ALKAL1: variants seen among roughly 807,000 people sequenced by gnomAD.
ALKAL1 encodes ALK and LTK ligand 1.
Under a neutral mutation model 13.5 loss-of-function variants are expected in ALKAL1, and 23 were observed. The ratio of observed to expected loss-of-function variants is 1.70; its 90% CI spans 1.23 to 2.41. ALKAL1 has a LOEUF of 2.41. ALKAL1 is among the 30% of genes most tolerant of loss of function. The probability of loss-of-function intolerance (pLI) is 0.00; values close to 1 mark genes in which losing one functional copy is unlikely to be tolerated. For missense variants in ALKAL1, 181 were observed against 178.4 expected (o/e 1.01, Z -0.08); for synonymous variants, 85 against 77.7 (o/e 1.09, Z -0.49).
chr8:52,538,044 G>A (rs1034583178), intron 4 of ALKAL1, among the ~76,000 whole-genome samples: 2 of 150,922 alleles, frequency 1.3e-5, no homozygotes, highest in Non-Finnish European at 1.5e-5. Flanking sequence ...TGCAGAGATC[G>A]CGCCACTGCA....
intron 3 of ALKAL1, among the ~76,000 whole-genome samples, chr8:52,539,425 T>C (rs950924782): frequency 1.1e-4 from 16 of 152,206 alleles, no homozygotes; most frequent in Non-Finnish European, 2.9e-5. Flanking sequence ...CACCATTATA[T>C]AAATGATGTG....
At chr8:52,546,742 C>T (rs1039060543) in intron 1 of ALKAL1, among the ~76,000 whole-genome samples, 2 of 152,208 alleles carry the variant, frequency 1.3e-5, no homozygotes, top group African/African-American at 2.4e-5. Flanking sequence ...TAAGGACAAA[C>T]CAAATGCGTA....
chr8:52,565,118 A>T lies in ALKAL1; in HGVS notation c.139T>A (p.Phe47Ile). ...VTDKEPKPLL[F>I]LPAAGAGRTP... ...CGGCCGGCCCCGGCCGCGGGGAGGA[A>T]AAGCAACGGCTTGGGCTCCTTATCC... is the stretch of plus-strand genomic sequence containing the variant. Residue 47 changes from phenylalanine (F) to isoleucine (I), a missense_variant, in exon 1 of 5, where the codon TTC (phenylalanine) becomes ATC (isoleucine). Physicochemically the swap from Phe to Ile is conservative, Grantham distance 21. Coordinates refer to ENST00000358543, the MANE Select transcript of ALKAL1 (RefSeq NM_207413.4). The T allele has an allele frequency of 7.1e-7, 1 of 1,415,120 alleles. No homozygotes were observed. The highest frequency in any genetic ancestry group is 9.3e-7 in the Non-Finnish European group (1 of 1,078,264). 87.7% of individuals were successfully genotyped at this position (1,415,120 alleles called of 1,614,324 possible).
rs1187950296 is a variant in ALKAL1, at chr8:52,565,428, A to C, written c.-172T>G. ...CGTCCCGGGGGTCGGCTGGAGCTGC[A>C]CTGGGACTCGGTCCTCAGTGTGCCG... On this transcript the variant is annotated 5_prime_UTR_variant, in exon 1 of 5. Coordinates refer to ENST00000358543, the MANE Select transcript of ALKAL1 (RefSeq NM_207413.4). The C allele has an allele frequency of 9.1e-6, 4 of 438,176 alleles. No homozygotes were observed. Among genetic ancestry groups the C allele is most frequent in the Non-Finnish European group, 1.5e-5 (4 of 260,870 alleles). The allele number at this position is 438,176 out of a possible 1,614,324, so 27.1% of individuals were successfully genotyped here. A position where few individuals can be genotyped will look rare whatever the true frequency, so the allele number is the denominator to read the frequency against.
chr8:52,560,832 A>G (rs73593387), intron 1 of ALKAL1, among the ~76,000 whole-genome samples: 3,633 of 152,252 alleles, frequency 0.024, 147 homozygotes, highest in African/African-American at 0.083. Flanking sequence ...GGTCATATAT[A>G]TAACCTGCCA....
chr8:52,550,771 C>T (rs1847421119), intron 1 of ALKAL1, among the ~76,000 whole-genome samples: 1 of 152,142 alleles, frequency 6.6e-6, no homozygotes, highest in Non-Finnish European at 1.5e-5. Context: ...TTCATTGCCA[C>T]ATGGAGTTCT....
At position 52,539,998 on chromosome 8, in the gene ALKAL1, A is replaced by T. The variant is rs542817742; in HGVS notation, c.245-87T>A. On this transcript the variant is annotated intron_variant, in intron 2 of 4. Coordinates refer to ENST00000358543, the MANE Select transcript of ALKAL1 (RefSeq NM_207413.4). ...AGCACTTTATGGGTGGATATAATAC[A>T]ACAGCACTTTACATCCTTCCATACC... The T allele has an allele frequency of 6.9e-5, 77 of 1,122,916 alleles. No homozygotes were observed. In the South Asian group the frequency reaches 1.0e-3, roughly 15 times the overall value. 69.6% of individuals were successfully genotyped at this position (1,122,916 alleles called of 1,614,324 possible).
chr8:52,564,082 G>A (rs1290917475), intron 1 of ALKAL1, among the ~76,000 whole-genome samples: 1 of 152,186 alleles, frequency 6.6e-6, no homozygotes, highest in Admixed American at 6.5e-5. Flanking sequence ...TGAGGAGAAG[G>A]GATCAGGAGC....
chr8:52,551,725 T>C (rs1469857995), intron 1 of ALKAL1, among the ~76,000 whole-genome samples: 1 of 152,124 alleles, frequency 6.6e-6, no homozygotes, highest in Non-Finnish European at 1.5e-5. Flanking sequence ...AAATAAATTA[T>C]TTATTTATAA....
intron 2 of ALKAL1, among the ~76,000 whole-genome samples, chr8:52,540,854 C>T (rs1223920251): frequency 6.6e-6 from 1 of 152,160 alleles, no homozygotes; most frequent in Non-Finnish European, 1.5e-5. Context: ...GGCTCAACAT[C>T]CTCACACATC....
chr8:52,543,478 T>C (rs908188977), intron 1 of ALKAL1, among the ~76,000 whole-genome samples: 1 of 152,190 alleles, frequency 6.6e-6, no homozygotes, highest in Non-Finnish European at 1.5e-5. Context: ...AGCTCCCCAG[T>C]TCAGGGCAGC....
intron 4 of ALKAL1, among the ~76,000 whole-genome samples, chr8:52,535,550 C>CAAAAAAAAAA (rs10719477): frequency 4.4e-5 from 3 of 68,630 alleles, no homozygotes; most frequent in Admixed American, 2.2e-4. Context: ...GACCCTGTCT[C>CAAAAAAAAAA]AAAAAAAAAA....
chr8:52,546,537 T>A (rs916497147), intron 1 of ALKAL1, among the ~76,000 whole-genome samples: 2 of 152,246 alleles, frequency 1.3e-5, no homozygotes, highest in Admixed American at 1.3e-4. Flanking sequence ...CCCAGGCAAG[T>A]CTTAGCTCAT....
chr8:52,554,589 T>C (rs138570822), intron 1 of ALKAL1, among the ~76,000 whole-genome samples: 29 of 152,308 alleles, frequency 1.9e-4, no homozygotes, highest in African/African-American at 7.0e-4. Flanking sequence ...TGAGATTCTG[T>C]AGCTGAGATA....
rs761427253 is a variant in ALKAL1, at chr8:52,565,249, G to A, written c.8C>T (p.Pro3Leu). MR[P>L]LKPGAPLPAL... ...GGGCAAAGGGGCGCCGGGCTTAAGGGGCCGCATGTTCGCAAGCCGGGAGGA... is the reference window on the plus strand; with the variant it reads ...GGGCAAAGGGGCGCCGGGCTTAAGGAGCCGCATGTTCGCAAGCCGGGAGGA... The change falls in exon 1 of 5, where the codon CCC (proline) becomes CTC (leucine). Residue 3 changes from proline to leucine, a missense_variant. Pro to Leu is a moderately conservative substitution (Grantham distance 98). Transcript: ENST00000358543. 47 of 1,313,002 alleles carry A rather than the reference G, an allele frequency of 3.6e-5. 1 individual carries two copies. The Middle Eastern group carries it at 1.1e-3, about 31-fold the overall frequency. The allele number at this position is 1,313,002 out of a possible 1,614,324, so 81.3% of individuals were successfully genotyped here.
rs559421625 is a variant in ALKAL1, at chr8:52,542,453, G to GA, written c.191-9dup. The GA allele has an allele frequency of 0.014, 18,030 of 1,267,804 alleles. No homozygotes were observed. Among genetic ancestry groups the GA allele is most frequent in the South Asian group, 0.017 (1,099 of 65,668 alleles). 78.5% of individuals were successfully genotyped at this position (1,267,804 alleles called of 1,614,324 possible). ...AGTCTCTTGGGAATATTTCTGAAAA[G>GA]AAAAAAAAAACCATCAGAATTTATT... On this transcript the variant is annotated splice_polypyrimidine_tract_variant and intron_variant, in intron 1 of 4. Transcript: ENST00000358543.
chr8:52,555,111 C>T (rs1389861134), intron 1 of ALKAL1, among the ~76,000 whole-genome samples: 1 of 150,430 alleles, frequency 6.6e-6, no homozygotes, highest in African/African-American at 2.5e-5. Context: ...GCGGAGCTTG[C>T]AGTGAGCCGA....
At chr8:52,548,329 G>T (rs1450726486) in intron 1 of ALKAL1, among the ~76,000 whole-genome samples, 1 of 151,250 alleles carries the variant, frequency 6.6e-6, no homozygotes, top group Admixed American at 6.6e-5. Flanking sequence ...TGGGCGACAA[G>T]AGCGAGACTC....
chr8:52,539,799 T>TAAAAA, intron 3 of ALKAL1, 32 bp downstream of exon 3: 1 of 1,249,766 alleles, frequency 8.0e-7, no homozygotes. Flanking sequence ...GTTGGATAAT[T>TAAAAA]AAAAAAAAAA....
Sources: allele counts gnomAD v4.1 joint callset (sites outside exome capture counted in the v4.1 genomes callset), GRCh38; gene constraint gnomAD v4.1.1; transcripts MANE v1.5; gene names NCBI Gene and HGNC (gene_info 2026-07-23, HGNC 2026-07-21).